Variants in PELI2 observed in about 807,000 individuals in gnomAD.
PELI2 encodes pellino E3 ubiquitin protein ligase family member 2.
Under a neutral mutation model 42.3 loss-of-function variants are expected in PELI2, and 23 were observed. The observed-to-expected ratio is 0.54, with a 90% confidence interval of 0.39 to 0.77. The LOEUF (loss-of-function observed/expected upper bound fraction) is 0.77. PELI2 is among the 30% of genes least tolerant of loss of function. The pLI is 0.00. For synonymous variants in PELI2, 245 were observed against 212.2 expected (o/e 1.15, Z -1.34); for missense variants, 463 against 553.2 (o/e 0.84, Z 1.64).
At chr14:56,154,189 A>G (rs1021752627) in intron 1 of PELI2, among the ~76,000 whole-genome samples, 1 of 152,212 alleles carries the variant, frequency 6.6e-6, no homozygotes, top group African/African-American at 2.4e-5. Flanking sequence ...AGATGATGCT[A>G]TATGTACATT....
intron 3 of PELI2, among the ~76,000 whole-genome samples, chr14:56,285,300 A>G (rs969184528): frequency 5.3e-5 from 8 of 152,166 alleles, no homozygotes; most frequent in Non-Finnish European, 4.4e-5. Flanking sequence ...GAAACTGAAG[A>G]ATCAGGTTAT....
chr14:56,165,043 G>C (rs891169866), intron 1 of PELI2, among the ~76,000 whole-genome samples: 1 of 148,600 alleles, frequency 6.7e-6, no homozygotes, highest in Non-Finnish European at 1.5e-5. Flanking sequence ...TTTCTGCTCT[G>C]ATCTTTATTA....
chr14:56,248,532 C>A (rs1003485025), intron 2 of PELI2, among the ~76,000 whole-genome samples: 1 of 152,034 alleles, frequency 6.6e-6, no homozygotes, highest in Admixed American at 6.6e-5. Flanking sequence ...TCCAGGCTGG[C>A]AGGGAGCCTT....
intron 1 of PELI2, among the ~76,000 whole-genome samples, chr14:56,150,786 T>C (rs1479425328): frequency 6.6e-6 from 1 of 152,202 alleles, no homozygotes; most frequent in African/African-American, 2.4e-5. Flanking sequence ...ACTAGGGATG[T>C]GAGCTGGCCT....
intron 2 of PELI2, among the ~76,000 whole-genome samples, chr14:56,275,683 A>G (rs924558249): frequency 5.3e-5 from 8 of 152,168 alleles, no homozygotes; most frequent in African/African-American, 1.9e-4. Flanking sequence ...GTAAATACAG[A>G]TGAAACTTCG....
chr14:56,249,857 CTA>C (rs1414259826), intron 2 of PELI2, among the ~76,000 whole-genome samples: 18 of 152,170 alleles, frequency 1.2e-4, no homozygotes, highest in Admixed American at 1.2e-3. Context: ...TCACACATGC[CTA>C]GCATGCGTCA....
chr14:56,182,194 G>T (rs555946066), intron 2 of PELI2, among the ~76,000 whole-genome samples: 6 of 152,012 alleles, frequency 3.9e-5, no homozygotes, highest in Non-Finnish European at 5.9e-5. Context: ...AGAGCTGTGA[G>T]CTGGAGAGGA....
At chr14:56,136,051 A>G (rs1489558469) in intron 1 of PELI2, among the ~76,000 whole-genome samples, 2 of 152,234 alleles carry the variant, frequency 1.3e-5, no homozygotes, top group Admixed American at 6.5e-5. Context: ...AAGATGTAGA[A>G]AACTGGGACC....
chr14:56,180,990 A>T lies in PELI2; in HGVS notation c.207+2526A>T, dbSNP rs947011606. ...TATGTTTGTGGAACATATTTCAGTGACTCGGTACCTACCCCCGAGTCTCTT... is the reference window on the plus strand; with the variant it reads ...TATGTTTGTGGAACATATTTCAGTGTCTCGGTACCTACCCCCGAGTCTCTT... On this transcript the variant is annotated intron_variant, in intron 2 of 5. Coordinates refer to ENST00000267460, the MANE Select transcript of PELI2 (RefSeq NM_021255.3). The surrounding 1 kb of genome is among the most constrained non-coding windows in gnomAD (Gnocchi z 4.4). 2.0e-5 allele frequency among the ~76,000 whole-genome samples: 3 copies of T among 152,048 alleles called. No homozygotes were observed. Among genetic ancestry groups the T allele is most frequent in the Admixed American group, 2.0e-4 (3 of 15,276 alleles).
At chr14:56,175,357 G>A (rs148245025) in intron 1 of PELI2, among the ~76,000 whole-genome samples, 1 of 152,312 alleles carries the variant, frequency 6.6e-6, no homozygotes, top group East Asian at 1.9e-4. Context: ...GTCCTGCCAT[G>A]TGCCTTGTGC....
At chr14:56,177,313 T>C (rs914278090) in intron 1 of PELI2, among the ~76,000 whole-genome samples, 17 of 152,196 alleles carry the variant, frequency 1.1e-4, no homozygotes, top group African/African-American at 4.1e-4. Context: ...GCTGGAAAAG[T>C]GGAGAAGGCC....
At chr14:56,212,480 G>A (rs1366672694) in intron 2 of PELI2, among the ~76,000 whole-genome samples, 2 of 152,190 alleles carry the variant, frequency 1.3e-5, no homozygotes, top group African/African-American at 4.8e-5. Context: ...TGGGATTGGG[G>A]GGAGAGAGGA....
In PELI2 at chr14:56,268,845, G is replaced by C. The variant is rs540621753; in HGVS notation, c.208-10831G>C. ...ATTGCCTCACACTGTGGTATGTGAC[G>C]CTTTCAGATCTGCACCCCTGCTGCA... On this transcript the variant is annotated intron_variant, in intron 2 of 5. Coordinates refer to ENST00000267460, the MANE Select transcript of PELI2 (RefSeq NM_021255.3). Among the ~76,000 whole-genome samples the C allele has an allele frequency of 2.6e-5, 4 of 152,208 alleles. No individual in the cohort carries two copies. In the East Asian group the frequency reaches 7.7e-4, roughly 29 times the overall value.
chr14:56,132,815 C>T (rs1883539467), intron 1 of PELI2, among the ~76,000 whole-genome samples: 1 of 152,134 alleles, frequency 6.6e-6, no homozygotes, highest in Non-Finnish European at 1.5e-5. Context: ...GAAATTAATT[C>T]ACCCCAGTTT....
chr14:56,225,101 C>T (rs151036829), intron 2 of PELI2, among the ~76,000 whole-genome samples: 5 of 152,246 alleles, frequency 3.3e-5, no homozygotes, highest in East Asian at 1.9e-4. Flanking sequence ...AATACATGTG[C>T]GTGTGCATAT....
In PELI2 at chr14:56,301,196, A is replaced by G. The variant is rs1890161105; in HGVS notation, c.*4030A>G. 6.6e-6 allele frequency: 1 copy of G among 152,634 alleles called. No homozygotes were observed. Among genetic ancestry groups the G allele is most frequent in the South Asian group, 2.1e-4 (1 of 4,824 alleles). 9.5% of individuals were successfully genotyped at this position (152,634 alleles called of 1,614,324 possible). On this transcript the variant is annotated 3_prime_UTR_variant, in exon 6 of 6. Transcript: ENST00000267460. ...TATGTTTGTAAAATTGTTGTTTTAT[A>G]TTTCATGTCAAATTGAAAAGTTTAT...
chr14:56,162,717 A>G (rs1884810313), intron 1 of PELI2, among the ~76,000 whole-genome samples: 1 of 152,190 alleles, frequency 6.6e-6, no homozygotes, highest in African/African-American at 2.4e-5. Context: ...ACTAATTTAC[A>G]TTCCCAACAA....
chr14:56,129,831 T>C (rs1883415966), intron 1 of PELI2, among the ~76,000 whole-genome samples: 1 of 152,016 alleles, frequency 6.6e-6, no homozygotes, highest in East Asian at 1.9e-4. Flanking sequence ...CCTCTGAGGG[T>C]GTAATTGATC....
At chr14:56,255,366 C>T (rs974669791) in intron 2 of PELI2, among the ~76,000 whole-genome samples, 1 of 152,134 alleles carries the variant, frequency 6.6e-6, no homozygotes, top group Non-Finnish European at 1.5e-5. Flanking sequence ...AACCATCATT[C>T]TCAGCAGACT....
Sources: gnomAD v4.1 joint callset for allele counts (sites outside exome capture counted in the v4.1 genomes callset) on GRCh38, gnomAD v4.1.1 for gene constraint, Gnocchi (gnomAD v3.1) non-coding constraint, MANE v1.5 for transcripts, NCBI Gene and HGNC (gene_info 2026-07-23, HGNC 2026-07-21) for gene names.